SLC27A2: variants seen among roughly 807,000 people sequenced by gnomAD.
SLC27A2 encodes the protein long-chain fatty acid transport protein 2.
SLC27A2 carries 54 observed loss-of-function variants against 60.0 expected under a neutral mutation model. The ratio of observed to expected loss-of-function variants is 0.90; its 90% confidence interval spans 0.72 to 1.13. The LOEUF (loss-of-function observed/expected upper bound fraction) is 1.13, where lower values mean the gene tolerates loss of function less well. Among genes scored for constraint, SLC27A2 ranks in the 50% most tolerant of loss-of-function variants. The pLI, the probability that SLC27A2 is intolerant of heterozygous loss-of-function variation, is 0.00. For synonymous variants in SLC27A2, 297 were observed against 297.6 expected (o/e 1.00, Z 0.02); for missense variants, 739 against 777.6 (o/e 0.95, Z 0.59).
At chr15:50,192,711 A>T (rs1453259458) in intron 1 of SLC27A2, among the ~76,000 whole-genome samples, 1 of 148,902 alleles carries the variant, frequency 6.7e-6, no homozygotes, top group African/African-American at 2.5e-5. Flanking sequence ...CATCCGGCTA[A>T]TATTTCTTTG....
chr15:50,196,728 A>G (rs2045026721), intron 1 of SLC27A2, among the ~76,000 whole-genome samples: 1 of 152,238 alleles, frequency 6.6e-6, no homozygotes, highest in Admixed American at 6.5e-5. Flanking sequence ...AGGTTGGGAA[A>G]CACTGCTCTA....
intron 5 of SLC27A2, among the ~76,000 whole-genome samples, chr15:50,224,519 A>C (rs1475862539): frequency 6.6e-6 from 1 of 152,196 alleles, no homozygotes; most frequent in Non-Finnish European, 1.5e-5. Context: ...ACAGCCTTGA[A>C]TAATTGTTAG....
intron 3 of SLC27A2, 56 bp from the exon 4 acceptor site, chr15:50,205,183 C>T: frequency 6.4e-7 from 1 of 1,552,762 alleles, no homozygotes; most frequent in South Asian, 1.2e-5. Flanking sequence ...TTAAACATAA[C>T]TGGGAGAATT....
chr15:50,182,969 C>T, intron 1 of SLC27A2, 64 bp downstream of exon 1: 2 of 1,511,696 alleles, frequency 1.3e-6, no homozygotes, highest in Non-Finnish European at 1.8e-6. Context: ...TGACGAGCCA[C>T]AGCGTGGCAT....
chr15:50,191,993 G>C (rs1009097025), intron 1 of SLC27A2, among the ~76,000 whole-genome samples: 1 of 151,358 alleles, frequency 6.6e-6, no homozygotes, highest in Non-Finnish European at 1.5e-5. Context: ...CCAGGAGGCA[G>C]AGATTGCAGT....
chr15:50,215,099 A>G (rs2045185244), intron 4 of SLC27A2, among the ~76,000 whole-genome samples: 1 of 152,204 alleles, frequency 6.6e-6, no homozygotes, highest in South Asian at 2.1e-4. Context: ...CCTAGGACTG[A>G]TAAAAGAATT....
chr15:50,183,177 T>C (rs2044883544), intron 1 of SLC27A2, among the ~76,000 whole-genome samples: 1 of 152,226 alleles, frequency 6.6e-6, no homozygotes, highest in Non-Finnish European at 1.5e-5. Context: ...ATAGGACTTT[T>C]ATAGATGAGA....
chr15:50,233,024 A>G (rs1157969040), intron 8 of SLC27A2, among the ~76,000 whole-genome samples: 1 of 152,070 alleles, frequency 6.6e-6, no homozygotes. Context: ...ATTAATACCT[A>G]ATTACCACTG....
chr15:50,231,610 C>T (rs1333602347), intron 8 of SLC27A2, among the ~76,000 whole-genome samples: 1 of 152,198 alleles, frequency 6.6e-6, no homozygotes, highest in Non-Finnish European at 1.5e-5. Flanking sequence ...CTTTTTAAAG[C>T]CTGGATCTAA....
intron 5 of SLC27A2, among the ~76,000 whole-genome samples, chr15:50,224,347 G>A (rs2045264754): frequency 1.3e-5 from 2 of 152,176 alleles, no homozygotes; most frequent in South Asian, 4.1e-4. Context: ...GGCTGAGGCA[G>A]GAGAATGGCG....
chr15:50,205,199 C>T (rs750541773), intron 3 of SLC27A2, 40 bp from the exon 4 acceptor site: 5 of 1,551,890 alleles, frequency 3.2e-6, no homozygotes, highest in Non-Finnish European at 4.4e-6. Context: ...GAATTTTTTC[C>T]ACCATTTCTT....
intron 9 of SLC27A2, among the ~76,000 whole-genome samples, chr15:50,235,432 G>A (rs904768747): frequency 6.6e-6 from 1 of 152,102 alleles, no homozygotes; most frequent in African/African-American, 2.4e-5. Context: ...CCACCCCTCT[G>A]CTCAGAAATC....
At chr15:50,186,366 A>G (rs1254648028) in intron 1 of SLC27A2, among the ~76,000 whole-genome samples, 1 of 152,210 alleles carries the variant, frequency 6.6e-6, no homozygotes, top group Non-Finnish European at 1.5e-5. Flanking sequence ...TGATTTTGAA[A>G]CAAATGGTCT....
At chr15:50,201,768 G>A (rs1595684007) in intron 2 of SLC27A2, among the ~76,000 whole-genome samples, 1 of 152,058 alleles carries the variant, frequency 6.6e-6, no homozygotes, top group East Asian at 1.9e-4. Flanking sequence ...TGTTAGCCAG[G>A]ATGGTCTTGA....
intron 4 of SLC27A2, among the ~76,000 whole-genome samples, chr15:50,220,605 T>A (rs2045235344): frequency 6.6e-6 from 1 of 152,198 alleles, no homozygotes; most frequent in South Asian, 2.1e-4. Flanking sequence ...TCAGGTGATC[T>A]TCTTTAAGCA....
In SLC27A2 at chr15:50,226,154, A is replaced by G; in HGVS notation, c.1258+76A>G. ...AGTGACTTTTAAGGACTAACATATT[A>G]TTGCCACATGGTAAAATTTATCAGA... On this transcript the variant is annotated intron_variant, in intron 6 of 9. Transcript: ENST00000267842. The G allele has an allele frequency of 4.5e-6, 4 of 880,810 alleles. No individual in the cohort carries two copies. The Admixed American group carries it at 7.7e-5, about 17-fold the overall frequency. The allele number at this position is 880,810 out of a possible 1,614,324, so 54.6% of individuals were successfully genotyped here. A position where few individuals can be genotyped will look rare whatever the true frequency, so the allele number is the denominator to read the frequency against.
intron 4 of SLC27A2, among the ~76,000 whole-genome samples, chr15:50,218,515 A>T (rs1434017552): frequency 6.6e-6 from 1 of 152,192 alleles, no homozygotes; most frequent in Non-Finnish European, 1.5e-5. Flanking sequence ...ATGAAATTTA[A>T]GACTACCAAA....
chr15:50,195,681 C>T (rs1444572731), intron 1 of SLC27A2, among the ~76,000 whole-genome samples: 1 of 151,470 alleles, frequency 6.6e-6, no homozygotes, highest in Non-Finnish European at 1.5e-5. Context: ...TGCATCTATC[C>T]CGGTGATATT....
intron 4 of SLC27A2, among the ~76,000 whole-genome samples, chr15:50,218,041 G>A (rs1403172626): frequency 1.6e-5 from 2 of 123,308 alleles, no homozygotes; most frequent in African/African-American, 6.0e-5. Context: ...GTGACAGGGC[G>A]AGAGGCGAGA....
Sources: allele counts gnomAD v4.1 joint callset (sites outside exome capture counted in the v4.1 genomes callset), GRCh38; gene constraint gnomAD v4.1.1; transcripts MANE v1.5; gene names NCBI Gene and HGNC (gene_info 2026-07-23, HGNC 2026-07-21).